NCAM1: variants seen among roughly 807,000 people sequenced by gnomAD.
NCAM1 encodes antigen recognized by monoclonal antibody 5.1H11.
In NCAM1, 14 loss-of-function variants were observed where a neutral mutation model predicts 109.8. The observed-to-expected ratio is 0.13, with a 90% CI of 0.08 to 0.20. NCAM1 has a LOEUF of 0.20. Ranked by LOEUF, NCAM1 falls within the 10% of genes least tolerant of loss-of-function variation. The pLI, the probability that NCAM1 is intolerant of heterozygous loss-of-function variation, is 1.00. For missense variants in NCAM1, 774 were observed against 1,109.9 expected (o/e 0.70, Z 4.30); for synonymous variants, 418 against 442.9 (o/e 0.94, Z 0.70).
intron 1 of NCAM1, among the ~76,000 whole-genome samples, chr11:113,059,333 T>C (rs1953835731): frequency 6.6e-6 from 1 of 152,152 alleles, no homozygotes; most frequent in African/African-American, 2.4e-5. Flanking sequence ...AACCGTGAGA[T>C]TTAGTGGCTT....
At chr11:113,138,485 T>C (rs1285800047) in intron 1 of NCAM1, among the ~76,000 whole-genome samples, 6 of 152,198 alleles carry the variant, frequency 3.9e-5, no homozygotes, top group African/African-American at 1.4e-4. Context: ...GCCCCGTCAC[T>C]ATTAGCAGGA....
At chr11:113,137,466 A>C (rs1239060526) in intron 1 of NCAM1, among the ~76,000 whole-genome samples, 6 of 152,350 alleles carry the variant, frequency 3.9e-5, no homozygotes, top group African/African-American at 1.4e-4. Context: ...ATTACTCATT[A>C]ATCTGACATT....
rs1255305483 is a variant in NCAM1 at position 113,277,528 on chromosome 11, A to G, written c.*2141A>G. ...GTGTCTGAGACCGGGAGGGCCCAGC[A>G]GTGAGGGGCAGGCTCTTCTGGTCAC... On this transcript the variant is annotated 3_prime_UTR_variant, in exon 20 of 20. Coordinates refer to ENST00000316851, the MANE Select transcript of NCAM1 (RefSeq NM_181351.5). The G allele has an allele frequency of 2.5e-6, 1 of 398,248 alleles. No individual in the cohort carries two copies. Among genetic ancestry groups the G allele is most frequent in the Non-Finnish European group, 4.4e-6 (1 of 226,000 alleles). 24.7% of individuals were successfully genotyped at this position (398,248 alleles called of 1,614,324 possible).
At chr11:113,218,852 A>G (rs782284974) in intron 8 of NCAM1, among the ~76,000 whole-genome samples, 14 of 152,222 alleles carry the variant, frequency 9.2e-5, no homozygotes, top group South Asian at 2.1e-4. Context: ...TAATGGGTCA[A>G]TTTGATCATC....
intron 1 of NCAM1, among the ~76,000 whole-genome samples, chr11:112,983,723 T>C (rs1318240637): frequency 6.6e-6 from 1 of 152,012 alleles, no homozygotes; most frequent in Non-Finnish European, 1.5e-5. Context: ...CAACTTGGAA[T>C]GTGTTGGCTC....
Position 113,277,798 on chromosome 11 carries a change from GTTCTCTCCCATTACACATAGGTT to G in NCAM1, c.*2413_*2435del, listed in dbSNP as rs1291529504. On this transcript the variant is annotated 3_prime_UTR_variant, in exon 20 of 20. Transcript: ENST00000316851. ...TAAGACTCTGCCCACATTTTGGTCT[GTTCTCTCCCATTACACATAGGTT>G]TGTCTCAGCATGCAAGAGTTTTTCC... 4 of 129,130 alleles carry G rather than the reference GTTCTCTCCCATTACACATAGGTT, an allele frequency of 3.1e-5. No homozygotes were observed. The East Asian group carries it at 7.1e-4, about 23-fold the overall frequency. 8.0% of individuals were successfully genotyped at this position (129,130 alleles called of 1,614,324 possible).
intron 1 of NCAM1, among the ~76,000 whole-genome samples, chr11:113,157,053 T>G (rs1942433883): frequency 6.6e-6 from 1 of 152,068 alleles, no homozygotes; most frequent in African/African-American, 2.4e-5. Context: ...ATTGTACCTC[T>G]TGTCACTCAG....
intron 19 of NCAM1, among the ~76,000 whole-genome samples, chr11:113,272,426 A>G (rs1555125646): frequency 2.0e-5 from 3 of 152,104 alleles, no homozygotes; most frequent in Admixed American, 6.5e-5. Context: ...GACTGGAAGA[A>G]CCCACAGCTC....
At chr11:113,205,699 C>T in intron 4 of NCAM1, 33 bp downstream of exon 4, 1 of 1,600,942 alleles carries the variant, frequency 6.2e-7, no homozygotes, top group Non-Finnish European at 8.5e-7. Context: ...TCTGCCTTTT[C>T]CCCAGGCCAC....
intron 1 of NCAM1, among the ~76,000 whole-genome samples, chr11:113,030,820 C>T (rs1314549356): frequency 6.6e-6 from 1 of 152,136 alleles, no homozygotes; most frequent in Non-Finnish European, 1.5e-5. Flanking sequence ...ATAAATAAAG[C>T]AGTTTCATTG....
intron 17 of NCAM1, 153 bp from the exon 18 acceptor site, chr11:113,270,035 G>A (rs761171937): frequency 4.3e-6 from 3 of 702,650 alleles, no homozygotes; most frequent in Non-Finnish European, 7.5e-6. Context: ...TCAATTCTGG[G>A]GCATAGAAGG....
intron 1 of NCAM1, among the ~76,000 whole-genome samples, chr11:112,969,259 A>C (rs1196423226): frequency 3.9e-5 from 6 of 152,142 alleles, no homozygotes; most frequent in Non-Finnish European, 7.4e-5. Context: ...ATAAGGAGAA[A>C]AAAAAATTCT....
chr11:113,023,087 A>C (rs1952437430), intron 1 of NCAM1, among the ~76,000 whole-genome samples: 1 of 152,224 alleles, frequency 6.6e-6, no homozygotes, highest in African/African-American at 2.4e-5. Context: ...AAACAAGTGA[A>C]TATCAAGAGA....
chr11:113,262,819 T>C, intron 17 of NCAM1: 1 of 1,612,746 alleles, frequency 6.2e-7, no homozygotes, highest in Non-Finnish European at 8.5e-7. Flanking sequence ...ACATTATCTC[T>C]GGGGACCCAT....
intron 1 of NCAM1, among the ~76,000 whole-genome samples, chr11:113,067,167 A>G (rs1422388538): frequency 6.6e-6 from 1 of 152,176 alleles, no homozygotes; most frequent in African/African-American, 2.4e-5. Flanking sequence ...AGTTTGGCAT[A>G]TAGTAGGTGG....
rs1943002054 is a variant in NCAM1 at position 113,171,746 on chromosome 11, TA to T, written c.53-30631del. 2.0e-5 allele frequency among the ~76,000 whole-genome samples: 3 copies of T among 152,358 alleles called. No individual in the cohort carries two copies. In the South Asian group the frequency reaches 6.2e-4, roughly 32 times the overall value. ...TCTGATCACTCACTGTCCAATTGGG[TA>T]ATTCATTGCTTTCCTACGAAATATG... On this transcript the variant is annotated intron_variant, in intron 1 of 19. Coordinates refer to ENST00000316851, the MANE Select transcript of NCAM1 (RefSeq NM_181351.5).
chr11:113,268,120 G>A (rs540417026), intron 17 of NCAM1, among the ~76,000 whole-genome samples: 1 of 152,304 alleles, frequency 6.6e-6, no homozygotes, highest in Non-Finnish European at 1.5e-5. Flanking sequence ...TTTCTTCCCT[G>A]TTCAGGGAAA....
At chr11:113,214,289 GT>G in intron 7 of NCAM1, 79 bp from the exon 8 acceptor site, 2 of 1,478,054 alleles carry the variant, frequency 1.4e-6, no homozygotes, top group Non-Finnish European at 1.9e-6. Flanking sequence ...GCTAACCTTT[GT>G]TGGATAGGTG....
intron 17 of NCAM1, among the ~76,000 whole-genome samples, chr11:113,266,630 T>G (rs1946138606): frequency 6.6e-6 from 1 of 152,140 alleles, no homozygotes; most frequent in Non-Finnish European, 1.5e-5. Flanking sequence ...TACCCAGTGA[T>G]TCAGATCCCA....
Sources: allele counts gnomAD v4.1 joint callset (sites outside exome capture counted in the v4.1 genomes callset), GRCh38; gene constraint gnomAD v4.1.1; transcripts MANE v1.5; gene names NCBI Gene and HGNC (gene_info 2026-07-23, HGNC 2026-07-21).